The following DPYD variants were observed in gnomAD, a reference collection of about 807,000 sequenced individuals.
DPYD encodes the protein dihydropyrimidine dehydrogenase [NADP(+)].
Under a neutral mutation model 116.2 loss-of-function variants are expected in DPYD, and 109 were observed. The observed-to-expected ratio is 0.94, with a 90% confidence interval of 0.80 to 1.10. DPYD has a LOEUF of 1.10. DPYD is among the 50% of genes least tolerant of loss of function. The probability of loss-of-function intolerance (pLI) is 0.00; values close to 1 mark genes in which losing one functional copy is unlikely to be tolerated. For missense variants in DPYD, 1,302 were observed against 1,254.5 expected, an observed-to-expected ratio of 1.04 and a Z score of -0.57; for synonymous variants, 440 against 432.0, an observed-to-expected ratio of 1.02 and a Z score of -0.23.
intron 19 of DPYD, among the ~76,000 whole-genome samples, chr1:97,196,838 A>G (rs536925827): frequency 3.9e-5 from 6 of 152,326 alleles, no homozygotes; most frequent in Non-Finnish European, 8.8e-5. Flanking sequence ...AACTACAAAT[A>G]CTTTCCTACA....
intron 19 of DPYD, among the ~76,000 whole-genome samples, chr1:97,194,180 C>A (rs949124061): frequency 6.6e-6 from 1 of 152,176 alleles, no homozygotes; most frequent in Non-Finnish European, 1.5e-5. Flanking sequence ...TGTCCCCACA[C>A]AAATCTCATC....
intron 13 of DPYD, among the ~76,000 whole-genome samples, chr1:97,471,837 A>C (rs1325277811): frequency 6.6e-6 from 1 of 151,966 alleles, no homozygotes; most frequent in Admixed American, 6.6e-5. Context: ...TGATCTGCAC[A>C]TCTCGGCCTC....
At chr1:97,538,317 A>C (rs1570923864) in intron 12 of DPYD, among the ~76,000 whole-genome samples, 1 of 152,322 alleles carries the variant, frequency 6.6e-6, no homozygotes, top group African/African-American at 2.4e-5. Flanking sequence ...CTATGGCATG[A>C]ATTTGTCTCC....
chr1:97,498,077 A>G (rs1193201551), intron 13 of DPYD, among the ~76,000 whole-genome samples: 5 of 151,804 alleles, frequency 3.3e-5, no homozygotes, highest in Admixed American at 1.3e-4. Flanking sequence ...GTCATATATT[A>G]TATGATTTTG....
intron 21 of DPYD, among the ~76,000 whole-genome samples, chr1:97,087,584 C>G (rs1039209614): frequency 2.6e-5 from 4 of 152,114 alleles, no homozygotes; most frequent in African/African-American, 7.2e-5. Context: ...GTGAGAGAGT[C>G]AGATGAGTAA....
At chr1:97,302,784 A>G (rs1003103448) in intron 18 of DPYD, among the ~76,000 whole-genome samples, 2 of 152,052 alleles carry the variant, frequency 1.3e-5, no homozygotes, top group African/African-American at 4.8e-5. Context: ...TCCCAACTAT[A>G]TGCAAAGCAT....
At chr1:97,310,057 T>A (rs1570482423) in intron 16 of DPYD, among the ~76,000 whole-genome samples, 1 of 151,808 alleles carries the variant, frequency 6.6e-6, no homozygotes, top group Non-Finnish European at 1.5e-5. Flanking sequence ...AAATTACAAG[T>A]GAAATTTTGA....
At chr1:97,319,556 C>G (rs1012628178) in intron 16 of DPYD, among the ~76,000 whole-genome samples, 2 of 140,040 alleles carry the variant, frequency 1.4e-5, no homozygotes, top group Middle Eastern at 3.5e-3. Context: ...TCTGAATAGA[C>G]CAATAACAGG....
chr1:97,249,221 G>A (rs1393163224), intron 18 of DPYD, among the ~76,000 whole-genome samples: 1 of 152,120 alleles, frequency 6.6e-6, no homozygotes. Flanking sequence ...AAAGACAATG[G>A]CATTAGAATA....
chr1:97,478,512 T>C (rs1479691651), intron 13 of DPYD, among the ~76,000 whole-genome samples: 1 of 152,190 alleles, frequency 6.6e-6, no homozygotes, highest in African/African-American at 2.4e-5. Flanking sequence ...GGTCTCGATC[T>C]CTTGACCTCG....
At chr1:97,180,431 A>G (rs1657569979) in intron 20 of DPYD, among the ~76,000 whole-genome samples, 1 of 152,160 alleles carries the variant, frequency 6.6e-6, no homozygotes, top group African/African-American at 2.4e-5. Flanking sequence ...TTTACTCCAT[A>G]AAATGAGGAT....
intron 8 of DPYD, among the ~76,000 whole-genome samples, chr1:97,608,332 T>C (rs533863733): frequency 3.3e-5 from 5 of 151,988 alleles, no homozygotes; most frequent in Non-Finnish European, 5.9e-5. Flanking sequence ...TCTCTTACAA[T>C]CTTAAATAAA....
intron 13 of DPYD, among the ~76,000 whole-genome samples, chr1:97,479,004 AGGCCTTGTTCCAGATC>A (rs1277361492): frequency 6.6e-6 from 1 of 152,198 alleles, no homozygotes; most frequent in Non-Finnish European, 1.5e-5. Flanking sequence ...GAGCACGTCA[AGGCCTTGTTCCAGATC>A]AGCCTTTGAC....
intron 20 of DPYD, among the ~76,000 whole-genome samples, chr1:97,184,684 T>G (rs1483661601): frequency 6.6e-6 from 1 of 152,170 alleles, no homozygotes; most frequent in South Asian, 2.1e-4. Context: ...TCCAGTTCAT[T>G]GTTCCAATTG....
At chr1:97,287,385 C>A (rs536773733) in intron 18 of DPYD, among the ~76,000 whole-genome samples, 457 of 152,296 alleles carry the variant, frequency 3.0e-3, no homozygotes, top group Middle Eastern at 0.014. Flanking sequence ...GGGTCAGGCA[C>A]CCACTTGAGG....
intron 8 of DPYD, among the ~76,000 whole-genome samples, chr1:97,642,911 ATTAAATTAAG>A (rs1171253137): frequency 1.3e-5 from 2 of 150,292 alleles, no homozygotes; most frequent in African/African-American, 5.0e-5. Flanking sequence ...ATTAAATTAA[ATTAAATTAAG>A]TTACATTAAA....
At chr1:97,659,463 CTG>C (rs1659129301) in intron 8 of DPYD, among the ~76,000 whole-genome samples, 1 of 152,076 alleles carries the variant, frequency 6.6e-6, no homozygotes, top group Non-Finnish European at 1.5e-5. Context: ...ATTTGATTAT[CTG>C]TATTGCTCTG....
At chr1:97,460,960 C>T (rs1396908625) in intron 13 of DPYD, among the ~76,000 whole-genome samples, 1 of 151,726 alleles carries the variant, frequency 6.6e-6, no homozygotes, top group Non-Finnish European at 1.5e-5. Context: ...TCACTTGAAC[C>T]CGGGGGGTGG....
At chr1:97,373,490 A>G in intron 16 of DPYD, 71 bp downstream of exon 16, 1 of 1,302,124 alleles carries the variant, frequency 7.7e-7, no homozygotes, top group Admixed American at 1.7e-5. Flanking sequence ...TGCCTAAGGT[A>G]TAGTAACTAT....
Sources: allele counts gnomAD v4.1 joint callset (sites outside exome capture counted in the v4.1 genomes callset), GRCh38; gene constraint gnomAD v4.1.1; transcripts MANE v1.5; gene names NCBI Gene and HGNC (gene_info 2026-07-23, HGNC 2026-07-21).